DNAH9: variants seen among roughly 807,000 people sequenced by gnomAD.
DNAH9 encodes DNAH9 variant protein.
A neutral mutation model predicts 471.6 loss-of-function variants in DNAH9; 345 were observed. The ratio of observed to expected loss-of-function variants is 0.73; its 90% CI spans 0.67 to 0.80. The LOEUF is 0.80. Ranked by LOEUF, DNAH9 falls within the 30% of genes least tolerant of loss-of-function variation. The pLI is 0.00. For missense variants in DNAH9, 5,407 were observed against 5,609.2 expected, an observed-to-expected ratio of 0.96 and a Z score of 1.15; for synonymous variants, 2,093 against 2,123.6, an observed-to-expected ratio of 0.99 and a Z score of 0.40.
rs111277858 is a variant in DNAH9, at chr17:11,884,134, C to G, written c.10971+384C>G. On this transcript the variant is annotated intron_variant, in intron 56 of 68. Coordinates refer to ENST00000262442, the MANE Select transcript of DNAH9 (RefSeq NM_001372.4). ...TGCTGGAAAAGCCAACTGGTTTGGG[C>G]ATGATTGCATCCTGACAAAACCCAC... Among the ~76,000 whole-genome samples, 959 of 152,196 alleles carry G rather than the reference C, an allele frequency of 6.3e-3. 13 individuals carry two copies. Among genetic ancestry groups the G allele is most frequent in the African/African-American group, 0.022 (913 of 41,522 alleles).
At chr17:11,742,462 T>TG in intron 30 of DNAH9, 149 bp downstream of exon 30, 2 of 704,044 alleles carry the variant, frequency 2.8e-6, no homozygotes, top group South Asian at 2.3e-5. Flanking sequence ...CTCTGAACAC[T>TG]TCCATATTAA....
chr17:11,847,395 A>G (rs9892847), intron 49 of DNAH9, among the ~76,000 whole-genome samples: 76,089 of 151,954 alleles, frequency 0.5, 19,583 homozygotes, highest in Non-Finnish European at 0.55. Flanking sequence ...ATATGTTGTA[A>G]GGAAGGGGTC....
chr17:11,927,439 A>G (rs1250268056), intron 62 of DNAH9, among the ~76,000 whole-genome samples: 1 of 152,150 alleles, frequency 6.6e-6, no homozygotes, highest in Non-Finnish European at 1.5e-5. Context: ...TTTATAAGGT[A>G]TAAGGAAGGA....
chr17:11,611,373 T>A (rs192903531), intron 3 of DNAH9, among the ~76,000 whole-genome samples: 1 of 152,338 alleles, frequency 6.6e-6, no homozygotes, highest in Admixed American at 6.5e-5. Flanking sequence ...TCAACCTTAC[T>A]GCCAGAGCTA....
intron 19 of DNAH9, among the ~76,000 whole-genome samples, chr17:11,688,195 C>T (rs2074273634): frequency 6.6e-6 from 1 of 151,538 alleles, no homozygotes; most frequent in African/African-American, 2.4e-5. Flanking sequence ...GTATGGCAGC[C>T]TAAAGTCTGT....
At chr17:11,647,422 A>C (rs541649351) in intron 12 of DNAH9, among the ~76,000 whole-genome samples, 1 of 152,264 alleles carries the variant, frequency 6.6e-6, no homozygotes, top group South Asian at 2.1e-4. Flanking sequence ...TTATAAGAAC[A>C]TGCAAAAGAT....
intron 52 of DNAH9, among the ~76,000 whole-genome samples, chr17:11,873,005 T>C (rs187176168): frequency 6.6e-6 from 1 of 152,364 alleles, no homozygotes; most frequent in Non-Finnish European, 1.5e-5. Flanking sequence ...ATTCCAGATC[T>C]ATTTGTAAGT....
At position 11,640,323 on chromosome 17, in the gene DNAH9, G is replaced by T; in HGVS notation, c.1840G>T (p.Ala614Ser). 1 of 1,614,050 alleles carries T rather than the reference G, an allele frequency of 6.2e-7. No homozygotes were observed. The highest frequency in any genetic ancestry group is 2.2e-5 in the East Asian group (1 of 44,860). The change falls in exon 10 of 69, where the codon GCA becomes TCA. Residue 614 changes from alanine to serine, a missense_variant. This residue lies in a region of DNAH9 where 4,636 missense variants were observed against 4,900.3 expected (regional missense o/e 0.95). Coordinates refer to ENST00000262442, the MANE Select transcript of DNAH9 (RefSeq NM_001372.4). The part of the protein sequence containing the change: ...MPTVAGGLRW[A>S]QELRQRIQGP... ...CACCGTGGCTGGCGGCCTCCGCTGG[G>T]CACAGGAGCTGAGGCAGCGCATCCA... is the stretch of plus-strand genomic sequence containing the variant.
chr17:11,918,205 TTTTTGTTTTG>T (rs200370741), intron 61 of DNAH9, among the ~76,000 whole-genome samples: 9,883 of 147,782 alleles, frequency 0.067, 523 homozygotes, highest in East Asian at 0.2. Context: ...GTTGGGTGTT[TTTTTGTTTTG>T]TTTTGTTTTG....
At chr17:11,690,499 C>G in intron 20 of DNAH9, 63 bp downstream of exon 20, 1 of 1,470,868 alleles carries the variant, frequency 6.8e-7, no homozygotes, top group South Asian at 1.3e-5. Context: ...GAAGGTCACC[C>G]AGTTCCTGCA....
At chr17:11,865,657 C>A (rs945105820) in intron 50 of DNAH9, among the ~76,000 whole-genome samples, 31 of 151,874 alleles carry the variant, frequency 2.0e-4, no homozygotes, top group African/African-American at 7.3e-4. Flanking sequence ...TCAGGTACAC[C>A]AATCAGACGT....
chr17:11,616,159 G>A (rs141980933), intron 4 of DNAH9, among the ~76,000 whole-genome samples: 12 of 152,104 alleles, frequency 7.9e-5, no homozygotes, highest in Middle Eastern at 6.8e-3. Flanking sequence ...TTCATGGGAG[G>A]GCCCTAGGAA....
At chr17:11,895,888 T>C (rs1973201815) in intron 59 of DNAH9, among the ~76,000 whole-genome samples, 2 of 152,254 alleles carry the variant, frequency 1.3e-5, no homozygotes, top group African/African-American at 4.8e-5. Flanking sequence ...TAATTATTTA[T>C]ATACTTGCCG....
At chr17:11,930,174 C>T (rs1205053303) in intron 63 of DNAH9, 81 bp downstream of exon 63, 8 of 1,235,140 alleles carry the variant, frequency 6.5e-6, no homozygotes, top group African/African-American at 3.0e-5. Context: ...GAGCATGCAA[C>T]TCAGAAGGGA....
At chr17:11,891,002 TTTAA>T (rs1342943215) in intron 57 of DNAH9, among the ~76,000 whole-genome samples, 1 of 152,208 alleles carries the variant, frequency 6.6e-6, no homozygotes, top group Non-Finnish European at 1.5e-5. Context: ...TTTTATTTTC[TTTAA>T]TTGTTTGTTC....
intron 61 of DNAH9, among the ~76,000 whole-genome samples, chr17:11,917,565 C>G: frequency 6.6e-6 from 1 of 152,196 alleles, no homozygotes; most frequent in Non-Finnish European, 1.5e-5. Context: ...TCTCTCTTTT[C>G]TCATCATCTT....
At position 11,608,503 on chromosome 17, in the gene DNAH9, G is replaced by A. The variant is rs1220371730; in HGVS notation, c.614+178G>A. On this transcript the variant is annotated intron_variant, in intron 2 of 68. Transcript: ENST00000262442. ...GACTGTGGACTGTGTGTTTACCCTGGTTACTCCCTGGCCCAGCCACTGCAT... is the reference window on the plus strand; with the variant it reads ...GACTGTGGACTGTGTGTTTACCCTGATTACTCCCTGGCCCAGCCACTGCAT... Among the ~76,000 whole-genome samples, 19 of 152,182 alleles carry A rather than the reference G, an allele frequency of 1.2e-4. 1 individual carries two copies. Among genetic ancestry groups the A allele is most frequent in the Non-Finnish European group, 2.9e-5 (2 of 68,036 alleles).
chr17:11,817,055 C>G (rs1006496699), intron 45 of DNAH9, among the ~76,000 whole-genome samples: 2 of 145,864 alleles, frequency 1.4e-5, no homozygotes, highest in African/African-American at 2.5e-5. Context: ...CGAGCCGTCT[C>G]AAAAAAAAAA....
chr17:11,734,605 G>T (rs544463761), intron 28 of DNAH9, among the ~76,000 whole-genome samples: 1 of 152,310 alleles, frequency 6.6e-6, no homozygotes, highest in Non-Finnish European at 1.5e-5. Flanking sequence ...GCCCGGTGGG[G>T]CAGAAGGAAG....
Sources: allele counts gnomAD v4.1 joint callset (sites outside exome capture counted in the v4.1 genomes callset), GRCh38; gene constraint gnomAD v4.1.1; regional missense constraint gnomAD v4.1.1; transcripts MANE v1.5; gene names NCBI Gene and HGNC (gene_info 2026-07-23, HGNC 2026-07-21).